Variants in NCOA2 observed in about 807,000 individuals in gnomAD.
NCOA2 encodes the protein nuclear receptor coactivator 2.
NCOA2 carries 21 observed loss-of-function variants against 145.1 expected under a neutral mutation model. That is an observed-to-expected ratio of 0.14 (90% CI 0.10 to 0.21). NCOA2 has a LOEUF of 0.21. Ranked by LOEUF, NCOA2 falls within the 10% of genes least tolerant of loss-of-function variation. NCOA2 has a pLI of 1.00. For missense variants in NCOA2, 1,472 were observed against 1,837.6 expected, an observed-to-expected ratio of 0.80 and a Z score of 3.64; for synonymous variants, 619 against 637.5, an observed-to-expected ratio of 0.97 and a Z score of 0.44.
the NCOA2 span, among the ~76,000 whole-genome samples, chr8:70,417,424 C>T: frequency 3.9e-3 from 595 of 151,924 alleles, 2 homozygotes; most frequent in Non-Finnish European, 6.4e-3. Context: ...TGGTGGGCGC[C>T]TGTAATCCCA....
rs901298365 is a variant in NCOA2, at chr8:70,295,680, G to A, written c.-20+1064C>T. On this transcript the variant is annotated intron_variant, in intron 2 of 22. Coordinates refer to ENST00000452400, the MANE Select transcript of NCOA2 (RefSeq NM_006540.4). ...TAAGAGTCTGGGCGCAGTGGCTCAC[G>A]TCTGTAATCCAAGCACTTTGGGAGG... Among the ~76,000 whole-genome samples the A allele has an allele frequency of 5.3e-5, 8 of 152,212 alleles. 1 individual carries two copies. In the East Asian group the frequency reaches 9.7e-4, roughly 18 times the overall value.
At chr8:70,447,484 T>C in the NCOA2 span, among the ~76,000 whole-genome samples, 134,424 of 152,158 alleles carry the variant, frequency 0.88, 59,665 homozygotes, top group East Asian at 0.99. Context: ...GTGTCCAGTC[T>C]GTTCGCCATC....
intron 1 of NCOA2, among the ~76,000 whole-genome samples, chr8:70,336,705 G>T (rs1807630084): frequency 6.6e-6 from 1 of 152,040 alleles, no homozygotes; most frequent in South Asian, 2.1e-4. Context: ...CTACAAGGGG[G>T]AAATCCACCC....
At chr8:70,348,834 G>A (rs575424668) in intron 1 of NCOA2, among the ~76,000 whole-genome samples, 2 of 152,244 alleles carry the variant, frequency 1.3e-5, no homozygotes, top group East Asian at 1.9e-4. Context: ...GATACCCAGG[G>A]AGAAATGTCA....
chr8:70,350,397 T>C (rs1392475495), intron 1 of NCOA2, among the ~76,000 whole-genome samples: 4 of 148,758 alleles, frequency 2.7e-5, no homozygotes, highest in African/African-American at 5.2e-5. Context: ...CCTGGGATAT[T>C]TCACTATCCA....
At chr8:70,446,939 C>T in the NCOA2 span, among the ~76,000 whole-genome samples, 1 of 152,182 alleles carries the variant, frequency 6.6e-6, no homozygotes, top group African/African-American at 2.4e-5. Flanking sequence ...TGAGCCTGCT[C>T]AGCAATTCTA....
intron 22 of NCOA2, among the ~76,000 whole-genome samples, chr8:70,114,128 A>C (rs1219034263): frequency 6.6e-6 from 1 of 152,076 alleles, no homozygotes; most frequent in East Asian, 1.9e-4. Context: ...GATACTCCCA[A>C]GGTTCTCTGG....
intron 1 of NCOA2, among the ~76,000 whole-genome samples, chr8:70,368,196 C>CTATGCTGTAAAGCATATA (rs1338774092): frequency 6.6e-6 from 1 of 152,216 alleles, no homozygotes; most frequent in African/African-American, 2.4e-5. Context: ...GCTTATTCTT[C>CTATGCTGTAAAGCATATA]TATGCTGTAA....
intron 2 of NCOA2, among the ~76,000 whole-genome samples, chr8:70,294,763 T>C (rs1394355303): frequency 6.6e-6 from 1 of 152,238 alleles, no homozygotes; most frequent in African/African-American, 2.4e-5. Flanking sequence ...TTACTTGATA[T>C]GACCTTGGAA....
intron 7 of NCOA2, 80 bp from the exon 8 acceptor site, chr8:70,163,646 C>T: frequency 1.0e-6 from 1 of 1,004,026 alleles, no homozygotes; most frequent in South Asian, 1.4e-5. Context: ...TATGACAGCA[C>T]AGCCTGTCAT....
At chr8:70,381,874 A>G (rs146981576) in intron 1 of NCOA2, among the ~76,000 whole-genome samples, 59 of 152,330 alleles carry the variant, frequency 3.9e-4, no homozygotes, top group African/African-American at 1.3e-3. Context: ...ATAGGTAAAA[A>G]GCATTTAATC....
rs550237056 is a variant in NCOA2, at chr8:70,388,485, T to C, written c.-77+15215A>G. 5.9e-5 allele frequency among the ~76,000 whole-genome samples: 9 copies of C among 152,306 alleles called. 1 individual carries two copies. In the South Asian group the frequency reaches 1.9e-3, roughly 32 times the overall value. The stretch of plus-strand genomic sequence containing the variant: ...AAATGCAGTTTGCTCACGTAACATA[T>C]CTGTATAGCCCTCCACTCTAATACA... On this transcript the variant is annotated intron_variant, in intron 1 of 22. Coordinates refer to ENST00000452400, the MANE Select transcript of NCOA2 (RefSeq NM_006540.4).
intron 1 of NCOA2, among the ~76,000 whole-genome samples, chr8:70,317,941 A>G (rs988059216): frequency 2.6e-5 from 4 of 152,148 alleles, no homozygotes; most frequent in Non-Finnish European, 5.9e-5. Flanking sequence ...ACAAAAAAAA[A>G]TGAAGTTTTC....
chr8:70,239,864 T>A lies in NCOA2; in HGVS notation c.-19-23100A>T, dbSNP rs1586216475. On this transcript the variant is annotated intron_variant, in intron 2 of 22. Coordinates refer to ENST00000452400, the MANE Select transcript of NCOA2 (RefSeq NM_006540.4). ...CCAAAGTTACAAGGCAGAGAAAAGA[T>A]ACACAGTGAGAGTGTGAACAGGTTG... Among the ~76,000 whole-genome samples, 3 of 152,290 alleles carry A rather than the reference T, an allele frequency of 2.0e-5. No homozygotes were observed. In the South Asian group the frequency reaches 6.2e-4, roughly 32 times the overall value.
chr8:70,176,198 T>C (rs1478574812), intron 4 of NCOA2, among the ~76,000 whole-genome samples: 2 of 152,268 alleles, frequency 1.3e-5, no homozygotes, highest in Non-Finnish European at 2.9e-5. Context: ...CATATCTGTA[T>C]TGATTAGTTC....
Position 70,111,480 on chromosome 8 carries a change from T to TC in NCOA2, c.*2151dup, listed in dbSNP as rs1386694458. On this transcript the variant is annotated 3_prime_UTR_variant, in exon 23 of 23. Coordinates refer to ENST00000452400, the MANE Select transcript of NCOA2 (RefSeq NM_006540.4). The stretch of plus-strand genomic sequence containing the variant: ...TCTGGGCCAACATCTGCTTGTTTTT[T>TC]CCATCACAGTTGGGCAACCCAATGG... 9.1e-6 allele frequency: 2 copies of TC among 218,938 alleles called. No homozygotes were observed. The highest frequency in any genetic ancestry group is 1.3e-4 in the East Asian group (2 of 14,922). The allele number at this position is 218,938 out of a possible 1,614,324, so 13.6% of individuals were successfully genotyped here.
At chr8:70,139,248 G>T (rs983149130) in intron 14 of NCOA2, among the ~76,000 whole-genome samples, 3 of 152,122 alleles carry the variant, frequency 2.0e-5, no homozygotes, top group Non-Finnish European at 1.5e-5. Flanking sequence ...AATAGCTTTT[G>T]GAGTTTATTA....
At chr8:70,380,663 T>C (rs1013113234) in intron 1 of NCOA2, among the ~76,000 whole-genome samples, 2 of 152,072 alleles carry the variant, frequency 1.3e-5, no homozygotes, top group Admixed American at 1.3e-4. Context: ...CCAAGCCTAA[T>C]TGCACTATTA....
chr8:70,207,765 A>G (rs1445002248), intron 4 of NCOA2, among the ~76,000 whole-genome samples: 1 of 146,842 alleles, frequency 6.8e-6, no homozygotes, highest in Non-Finnish European at 1.5e-5. Flanking sequence ...CGGGAGGCTG[A>G]GGCAGAAGAA....
Sources: allele counts gnomAD v4.1 joint callset (sites outside exome capture counted in the v4.1 genomes callset), GRCh38; gene constraint gnomAD v4.1.1; transcripts MANE v1.5; gene names NCBI Gene and HGNC (gene_info 2026-07-23, HGNC 2026-07-21).